Variants in CRISP2 observed in about 807,000 individuals in gnomAD.
CRISP2 encodes cysteine rich secretory protein 2.
Under a neutral mutation model 31.7 loss-of-function variants are expected in CRISP2, and 29 were observed. The observed-to-expected ratio is 0.92, with a 90% CI of 0.68 to 1.25. The LOEUF (loss-of-function observed/expected upper bound fraction) is 1.25. Among genes scored for constraint, CRISP2 ranks in the 50% most tolerant of loss-of-function variants. CRISP2 has a pLI of 0.00. For synonymous variants in CRISP2, 111 were observed against 101.4 expected, an observed-to-expected ratio of 1.09 and a Z score of -0.57; for missense variants, 318 against 286.5, an observed-to-expected ratio of 1.11 and a Z score of -0.79.
At chr6:49,700,990 C>G (rs1765575020) in intron 4 of CRISP2, among the ~76,000 whole-genome samples, 1 of 151,978 alleles carries the variant, frequency 6.6e-6, no homozygotes, top group Admixed American at 6.6e-5. Flanking sequence ...GAAGATATAA[C>G]TTTTAAATAG....
intron 4 of CRISP2, among the ~76,000 whole-genome samples, chr6:49,706,679 G>C (rs1767088436): frequency 6.6e-6 from 1 of 152,128 alleles, no homozygotes; most frequent in African/African-American, 2.4e-5. Flanking sequence ...AAGTCTGAAA[G>C]GAACAGGGCT....
intron 4 of CRISP2, among the ~76,000 whole-genome samples, chr6:49,702,139 CTATATATATATATATAT>C (rs556051084): frequency 0.26 from 24,259 of 91,552 alleles, 3,845 homozygotes; most frequent in East Asian, 0.38. Context: ...TATATGTGTA[CTATATATATATATATAT>C]ATATATATAT....
chr6:49,695,338 T>G (rs1028899234), intron 9 of CRISP2, among the ~76,000 whole-genome samples: 6 of 152,198 alleles, frequency 3.9e-5, no homozygotes, highest in Admixed American at 3.3e-4. Flanking sequence ...AATCATTTAT[T>G]AAGGCAAACA....
the CRISP2 span, among the ~76,000 whole-genome samples, chr6:49,680,646 C>A: frequency 6.6e-6 from 1 of 152,178 alleles, no homozygotes; most frequent in Non-Finnish European, 1.5e-5. Flanking sequence ...CTTTTCTCCA[C>A]AACCTTGCCA....
At chr6:49,695,298 A>C (rs1238700904) in intron 9 of CRISP2, among the ~76,000 whole-genome samples, 1 of 152,194 alleles carries the variant, frequency 6.6e-6, no homozygotes, top group Admixed American at 6.5e-5. Flanking sequence ...AAAAATGTAC[A>C]CAAAACAATT....
chr6:49,697,407 G>GTGTGTGTGTGT (rs970345647), intron 8 of CRISP2, among the ~76,000 whole-genome samples: 1 of 151,046 alleles, frequency 6.6e-6, no homozygotes, highest in African/African-American at 2.4e-5. Flanking sequence ...TGTGTGTGGT[G>GTGTGTGTGTGT]GTGTGTGTGT....
intron 1 of CRISP2, 82 bp from the exon 2 acceptor site, chr6:49,712,686 T>C (rs937971041): frequency 1.3e-5 from 2 of 152,234 alleles, no homozygotes; most frequent in Non-Finnish European, 2.9e-5. Context: ...TGTCACAAAC[T>C]TAAATTTTGA....
At chr6:49,701,585 GTGTA>G (rs1449882251) in intron 4 of CRISP2, among the ~76,000 whole-genome samples, 5 of 55,134 alleles carry the variant, frequency 9.1e-5, no homozygotes, top group Non-Finnish European at 1.8e-4. Context: ...TTACGTGTGT[GTGTA>G]TATATATACA....
At chr6:49,688,848 T>G (rs1763963963), downstream of CRISP2, among the ~76,000 whole-genome samples, 1 of 152,120 alleles carries the variant, frequency 6.6e-6, no homozygotes, top group Admixed American at 6.6e-5. Flanking sequence ...CACCCTAGAT[T>G]ATGATTTTCT....
At chr6:49,708,537 A>G (rs1767455774) in intron 4 of CRISP2, among the ~76,000 whole-genome samples, 1 of 152,200 alleles carries the variant, frequency 6.6e-6, no homozygotes, top group East Asian at 1.9e-4. Flanking sequence ...GGAGTGATGC[A>G]GCCACAAGCC....
chr6:49,687,870 TG>T (rs1257974217), downstream of CRISP2, among the ~76,000 whole-genome samples: 7 of 152,272 alleles, frequency 4.6e-5, no homozygotes, highest in East Asian at 9.7e-4. Context: ...GGGGCAGGCT[TG>T]GGGGACAGTT....
the CRISP2 span, among the ~76,000 whole-genome samples, chr6:49,686,722 T>G: frequency 4.4e-4 from 67 of 152,334 alleles, no homozygotes; most frequent in African/African-American, 1.4e-3. Context: ...CAAAGGATTA[T>G]AAATCATGCT....
chr6:49,698,998 A>G (rs956409565), intron 6 of CRISP2, among the ~76,000 whole-genome samples: 2 of 152,156 alleles, frequency 1.3e-5, no homozygotes, highest in African/African-American at 4.8e-5. Context: ...ACCAGGAAGG[A>G]TAACAGTTTT....
chr6:49,685,329 T>C, the CRISP2 span, among the ~76,000 whole-genome samples: 31 of 143,924 alleles, frequency 2.2e-4, no homozygotes, highest in African/African-American at 7.3e-4. Flanking sequence ...AGGTTGTCTC[T>C]GCAGTGACTG....
At chr6:49,686,121 C>T in the CRISP2 span, among the ~76,000 whole-genome samples, 1 of 152,062 alleles carries the variant, frequency 6.6e-6, no homozygotes, top group African/African-American at 2.4e-5. Context: ...AAGTAGAATA[C>T]TATAAAAATG....
At chr6:49,710,738 G>A (rs761221073) in intron 3 of CRISP2, among the ~76,000 whole-genome samples, 1 of 152,030 alleles carries the variant, frequency 6.6e-6, no homozygotes. Context: ...ATTTTTTTGT[G>A]TGTGTGCGTA....
At chr6:49,680,271 G>A in the CRISP2 span, among the ~76,000 whole-genome samples, 3 of 152,108 alleles carry the variant, frequency 2.0e-5, no homozygotes, top group African/African-American at 7.2e-5. Context: ...CTGTTTCTGT[G>A]TTAGTTTCCT....
chr6:49,697,096 A>G (rs1369265869), intron 8 of CRISP2, among the ~76,000 whole-genome samples: 1 of 152,118 alleles, frequency 6.6e-6, no homozygotes, highest in East Asian at 1.9e-4. Context: ...TCTCGAAACA[A>G]ATCCTGTAGC....
chr6:49,701,922 T>A (rs1344189393), intron 4 of CRISP2, among the ~76,000 whole-genome samples: 1 of 11,638 alleles, frequency 8.6e-5, no homozygotes, highest in Non-Finnish European at 1.3e-4. Flanking sequence ...TATATTATAT[T>A]ATATATAATA....
Sources: gnomAD v4.1 joint callset for allele counts (sites outside exome capture counted in the v4.1 genomes callset) on GRCh38, gnomAD v4.1.1 for gene constraint, MANE v1.5 for transcripts, NCBI Gene and HGNC (gene_info 2026-07-23, HGNC 2026-07-21) for gene names.